Variants in FER observed in about 807,000 individuals in gnomAD.
FER encodes FER tyrosine kinase.
In FER, 63 loss-of-function variants were observed where a neutral mutation model predicts 111.0. That is an observed-to-expected ratio of 0.57 (90% CI 0.46 to 0.70). The LOEUF (loss-of-function observed/expected upper bound fraction) is 0.70, where lower values mean the gene tolerates loss of function less well. FER is among the 30% of genes least tolerant of loss of function. The pLI is 0.00. For missense variants in FER, 914 were observed against 954.0 expected, an observed-to-expected ratio of 0.96 and a Z score of 0.55; for synonymous variants, 327 against 313.9, an observed-to-expected ratio of 1.04 and a Z score of -0.44.
intron 16 of FER, among the ~76,000 whole-genome samples, chr5:109,085,273 G>A (rs112247146): frequency 0.012 from 1,770 of 151,664 alleles, 32 homozygotes; most frequent in African/African-American, 0.04. Context: ...CAGTATAAAG[G>A]TTTAAAACAT....
At chr5:108,763,091 A>G (rs1167416757) in intron 1 of FER, among the ~76,000 whole-genome samples, 1 of 152,210 alleles carries the variant, frequency 6.6e-6, no homozygotes, top group East Asian at 1.9e-4. Flanking sequence ...TTGTATAGGA[A>G]AACTCATGGC....
intron 2 of FER, among the ~76,000 whole-genome samples, chr5:108,772,858 A>C (rs1753073249): frequency 6.6e-6 from 1 of 152,206 alleles, no homozygotes; most frequent in Non-Finnish European, 1.5e-5. Flanking sequence ...GTAGCTTTGG[A>C]CATTATAAAG....
intron 17 of FER, among the ~76,000 whole-genome samples, chr5:109,104,528 G>A (rs1442712196): frequency 6.6e-6 from 1 of 152,112 alleles, no homozygotes; most frequent in Non-Finnish European, 1.5e-5. Flanking sequence ...AGACTTGGTG[G>A]ATGGGTGTGT....
intron 12 of FER, among the ~76,000 whole-genome samples, chr5:108,956,843 C>T (rs910969735): frequency 3.3e-5 from 5 of 151,442 alleles, no homozygotes; most frequent in Non-Finnish European, 7.4e-5. Flanking sequence ...TTAATTGCCT[C>T]ATATACCTGT....
chr5:109,177,407 A>G (rs891166833), intron 17 of FER: 1 of 151,888 alleles, frequency 6.6e-6, no homozygotes, highest in African/African-American at 2.4e-5. Context: ...CCCAGTGGGA[A>G]TAGTTTTTAT....
At chr5:109,032,091 C>T (rs1452231611) in intron 13 of FER, among the ~76,000 whole-genome samples, 1 of 152,152 alleles carries the variant, frequency 6.6e-6, no homozygotes, top group South Asian at 2.1e-4. Flanking sequence ...CCTAGACTTA[C>T]ACCCCTTCTC....
chr5:108,890,841 T>C (rs937399574), intron 9 of FER, among the ~76,000 whole-genome samples: 3 of 152,102 alleles, frequency 2.0e-5, no homozygotes, highest in Admixed American at 2.0e-4. Flanking sequence ...CTAGTACAAA[T>C]AAAGGTCTCC....
At chr5:109,001,539 C>A (rs1764775246) in intron 13 of FER, among the ~76,000 whole-genome samples, 1 of 152,124 alleles carries the variant, frequency 6.6e-6, no homozygotes, top group Admixed American at 6.5e-5. Flanking sequence ...ACTGAATGTA[C>A]AAAAACTGGA....
At chr5:108,857,301 A>G (rs891098562) in intron 5 of FER, among the ~76,000 whole-genome samples, 3 of 152,072 alleles carry the variant, frequency 2.0e-5, no homozygotes, top group African/African-American at 7.2e-5. Flanking sequence ...TAGAACAGTT[A>G]TTTTATGGAG....
At chr5:109,181,917 C>T (rs1382780587) in intron 18 of FER, among the ~76,000 whole-genome samples, 2 of 152,158 alleles carry the variant, frequency 1.3e-5, no homozygotes, top group African/African-American at 2.4e-5. Flanking sequence ...TCTTCCGTTC[C>T]GTTGTCCCCT....
chr5:109,005,803 A>C (rs1336445147), intron 13 of FER, among the ~76,000 whole-genome samples: 1 of 151,888 alleles, frequency 6.6e-6, no homozygotes, highest in Non-Finnish European at 1.5e-5. Context: ...TGCTTTGTAA[A>C]CTCTTGTACA....
At chr5:108,894,185 C>G (rs1015261329) in intron 9 of FER, among the ~76,000 whole-genome samples, 15 of 152,146 alleles carry the variant, frequency 9.9e-5, no homozygotes, top group African/African-American at 3.4e-4. Context: ...GATAGCTGTT[C>G]TCTATTATTC....
intron 16 of FER, among the ~76,000 whole-genome samples, chr5:109,062,565 A>G (rs770669559): frequency 4.6e-5 from 7 of 152,024 alleles, no homozygotes; most frequent in Non-Finnish European, 1.0e-4. Flanking sequence ...ATATTATGTT[A>G]TATGTAAAAT....
chr5:109,112,944 T>G lies in FER; in HGVS notation c.2048+12425T>G, dbSNP rs547781654. Among the ~76,000 whole-genome samples the G allele has an allele frequency of 5.9e-5, 9 of 152,302 alleles. No homozygotes were observed. In the East Asian group the frequency reaches 1.7e-3, roughly 29 times the overall value. On this transcript the variant is annotated intron_variant, in intron 17 of 19. Coordinates refer to ENST00000281092, the MANE Select transcript of FER (RefSeq NM_005246.4). ...AATATACAGCCTCTTCTCAGTAGTATGAAACCTTTGACATTTTCATAGATA... is the reference window on the plus strand; with the variant it reads ...AATATACAGCCTCTTCTCAGTAGTAGGAAACCTTTGACATTTTCATAGATA...
intron 1 of FER, among the ~76,000 whole-genome samples, chr5:108,765,735 A>G (rs1053193376): frequency 2.0e-5 from 3 of 152,208 alleles, no homozygotes; most frequent in African/African-American, 7.2e-5. Flanking sequence ...CTGATAGAGA[A>G]GAGAGTTTAA....
intron 3 of FER, chr5:108,820,433 AAAG>A: frequency 1.0e-6 from 1 of 985,444 alleles, no homozygotes; most frequent in Non-Finnish European, 1.2e-6. Flanking sequence ...CTGTTCTTCA[AAAG>A]AAGAACAAGA....
intron 16 of FER, among the ~76,000 whole-genome samples, chr5:109,076,128 G>A (rs1280940032): frequency 6.6e-6 from 1 of 151,810 alleles, no homozygotes; most frequent in South Asian, 2.1e-4. Flanking sequence ...CATTTTTATG[G>A]CTATTCTTTC....
intron 3 of FER, among the ~76,000 whole-genome samples, chr5:108,817,292 G>GAA (rs1758387902): frequency 6.6e-6 from 1 of 151,912 alleles, no homozygotes; most frequent in African/African-American, 2.4e-5. Flanking sequence ...TTCAGCTTTA[G>GAA]GGGAATTTAA....
chr5:108,932,797 T>C (rs1754879943), intron 10 of FER, among the ~76,000 whole-genome samples: 1 of 152,046 alleles, frequency 6.6e-6, no homozygotes, highest in African/African-American at 2.4e-5. Context: ...TTTTTTTGTA[T>C]GTTTGTTGGC....
Sources: allele counts gnomAD v4.1 joint callset (sites outside exome capture counted in the v4.1 genomes callset), GRCh38; gene constraint gnomAD v4.1.1; transcripts MANE v1.5; gene names NCBI Gene and HGNC (gene_info 2026-07-23, HGNC 2026-07-21).